The following IGF1R variants were observed in gnomAD, a reference collection of about 807,000 sequenced individuals.
IGF1R encodes insulin like growth factor 1 receptor, also known as insulin-like growth factor 1 receptor.
A neutral mutation model predicts 144.6 loss-of-function variants in IGF1R; 44 were observed. That is an observed-to-expected ratio of 0.30 (90% CI 0.24 to 0.39). IGF1R has a LOEUF of 0.39. IGF1R is among the 10% of genes least tolerant of loss of function. IGF1R has a pLI of 1.00. For missense variants in IGF1R, 1,355 were observed against 1,833.7 expected (o/e 0.74, Z 4.77); for synonymous variants, 795 against 722.8 (o/e 1.10, Z -1.60).
At chr15:98,687,773 G>A (rs2053366514) in intron 1 of IGF1R, among the ~76,000 whole-genome samples, 1 of 152,174 alleles carries the variant, frequency 6.6e-6, no homozygotes, top group African/African-American at 2.4e-5. Context: ...GGTTAAGTTG[G>A]GGCAAGAAAT....
intron 2 of IGF1R, among the ~76,000 whole-genome samples, chr15:98,813,199 G>A (rs1263176595): frequency 6.6e-6 from 1 of 152,080 alleles, no homozygotes; most frequent in Admixed American, 6.5e-5. Context: ...GCCCCCCTAG[G>A]GTTAGCCAGT....
chr15:98,724,935 A>T (rs1417816370), intron 2 of IGF1R, among the ~76,000 whole-genome samples: 2 of 152,234 alleles, frequency 1.3e-5, no homozygotes, highest in African/African-American at 4.8e-5. Context: ...TCTAGGAAAT[A>T]ATTTCACCTG....
intron 1 of IGF1R, among the ~76,000 whole-genome samples, chr15:98,666,048 G>A (rs866089852): frequency 2.0e-5 from 3 of 152,208 alleles, no homozygotes; most frequent in South Asian, 2.1e-4. Flanking sequence ...GTGATGAGAG[G>A]TCTCTTAGGA....
chr15:98,904,015 G>A (rs1281003810), intron 5 of IGF1R, among the ~76,000 whole-genome samples: 1 of 150,888 alleles, frequency 6.6e-6, no homozygotes, highest in Admixed American at 6.6e-5. Context: ...GGACAGTTGT[G>A]TAAATTTACG....
chr15:98,776,530 C>T (rs73475666), intron 2 of IGF1R, among the ~76,000 whole-genome samples: 2,523 of 152,278 alleles, frequency 0.017, 67 homozygotes, highest in African/African-American at 0.057. Flanking sequence ...TATCAGGACA[C>T]TTGTGTTCTT....
At chr15:98,896,255 G>T (rs1308258908) in intron 3 of IGF1R, among the ~76,000 whole-genome samples, 2 of 152,174 alleles carry the variant, frequency 1.3e-5, no homozygotes, top group Non-Finnish European at 2.9e-5. Context: ...CCCTCACTGG[G>T]CTTTGCCAAA....
chr15:98,877,301 A>C (rs138071300), intron 2 of IGF1R, among the ~76,000 whole-genome samples: 279 of 151,920 alleles, frequency 1.8e-3, no homozygotes, highest in African/African-American at 6.5e-3. Flanking sequence ...TAAATATATA[A>C]TACAAACTTA....
chr15:98,851,494 T>C (rs950559261), intron 2 of IGF1R, among the ~76,000 whole-genome samples: 1 of 152,112 alleles, frequency 6.6e-6, no homozygotes, highest in African/African-American at 2.4e-5. Context: ...CCCGTGGCCT[T>C]CTCCTACCTT....
chr15:98,775,655 T>C (rs2141380688), intron 2 of IGF1R, among the ~76,000 whole-genome samples: 1 of 152,338 alleles, frequency 6.6e-6, no homozygotes, highest in Middle Eastern at 3.4e-3. Context: ...TCTGTGCCTG[T>C]GGCCCCTGCT....
chr15:98,911,249 A>G lies in IGF1R; in HGVS notation c.1463-66A>G, dbSNP rs998285183. On this transcript the variant is annotated intron_variant, in intron 6 of 20. Transcript: ENST00000650285. ...TTTGGGGAAGGGGGAAGCAGTGCCA[A>G]GCAAGACAGGTGCTTTTCAGAGACA... The G allele has an allele frequency of 1.9e-6, 3 of 1,604,066 alleles. No homozygotes were observed. In the East Asian group the frequency reaches 6.7e-5, roughly 36 times the overall value.
At chr15:98,715,433 A>C (rs1272596401) in intron 2 of IGF1R, among the ~76,000 whole-genome samples, 2 of 152,186 alleles carry the variant, frequency 1.3e-5, no homozygotes, top group Admixed American at 6.5e-5. Flanking sequence ...AGTATTTGGA[A>C]AATATCTGGA....
chr15:98,783,831 C>CT (rs1030081584), intron 2 of IGF1R, among the ~76,000 whole-genome samples: 1 of 152,116 alleles, frequency 6.6e-6, no homozygotes, highest in African/African-American at 2.4e-5. Flanking sequence ...GAAAGTGCTG[C>CT]TGTCACAAAG....
chr15:98,694,970 G>C (rs915271610), intron 1 of IGF1R, among the ~76,000 whole-genome samples: 1 of 152,192 alleles, frequency 6.6e-6, no homozygotes, highest in African/African-American at 2.4e-5. Context: ...TGGAAATCTT[G>C]TGTTCCAAAT....
intron 2 of IGF1R, among the ~76,000 whole-genome samples, chr15:98,856,642 A>C (rs2011833939): frequency 6.6e-6 from 1 of 152,256 alleles, no homozygotes. Context: ...GTGGATTGCT[A>C]TCCAAATATA....
chr15:98,926,771 T>C (rs550680271), intron 13 of IGF1R, among the ~76,000 whole-genome samples: 2 of 152,274 alleles, frequency 1.3e-5, no homozygotes, highest in South Asian at 4.1e-4. Flanking sequence ...TTTTTAGGGG[T>C]AAATGGATGT....
intron 2 of IGF1R, among the ~76,000 whole-genome samples, chr15:98,791,677 G>A (rs1401460668): frequency 3.3e-5 from 5 of 152,210 alleles, no homozygotes. Flanking sequence ...AAAATACTAT[G>A]TGATCGAAGG....
At chr15:98,824,940 G>A (rs1404258110) in intron 2 of IGF1R, among the ~76,000 whole-genome samples, 3 of 151,562 alleles carry the variant, frequency 2.0e-5, no homozygotes, top group Non-Finnish European at 4.4e-5. Context: ...GGGTTCAAGC[G>A]ATTCTCCTGC....
chr15:98,651,600 C>T (rs1316525590), intron 1 of IGF1R, among the ~76,000 whole-genome samples: 1 of 152,220 alleles, frequency 6.6e-6, no homozygotes, highest in Non-Finnish European at 1.5e-5. Context: ...TGGCCTTCGC[C>T]GACGCAGGAG....
chr15:98,695,997 T>C (rs2053587760), intron 1 of IGF1R, among the ~76,000 whole-genome samples: 1 of 151,070 alleles, frequency 6.6e-6, no homozygotes, highest in South Asian at 2.1e-4. Context: ...CTCCCTTAGG[T>C]ACAGTCTAAG....
Sources: gnomAD v4.1 joint callset for allele counts (sites outside exome capture counted in the v4.1 genomes callset) on GRCh38, gnomAD v4.1.1 for gene constraint, MANE v1.5 for transcripts, NCBI Gene and HGNC (gene_info 2026-07-23, HGNC 2026-07-21) for gene names.